Variants in STX8 observed in about 807,000 individuals in gnomAD.
The protein encoded by STX8 is syntaxin-8.
STX8 carries 23 observed loss-of-function variants against 37.5 expected under a neutral mutation model. The observed-to-expected ratio is 0.61, with a 90% CI of 0.44 to 0.87. The LOEUF (loss-of-function observed/expected upper bound fraction) is 0.87. Among genes scored for constraint, STX8 ranks in the 40% least tolerant of loss-of-function variants. The probability of loss-of-function intolerance (pLI) is 0.00; values close to 1 mark genes in which losing one functional copy is unlikely to be tolerated. For missense variants in STX8, 313 were observed against 284.7 expected (o/e 1.10, Z -0.71); for synonymous variants, 115 against 99.1 (o/e 1.16, Z -0.95).
chr17:9,567,376 C>T (rs183022136), intron 2 of STX8, among the ~76,000 whole-genome samples: 31 of 152,310 alleles, frequency 2.0e-4, no homozygotes, highest in African/African-American at 7.0e-4. Flanking sequence ...CTTAAAAAGA[C>T]TCAAATTTTG....
rs1273626885 is a variant in STX8 at position 9,450,608 on chromosome 17, C to T, written c.541+41221G>A. On this transcript the variant is annotated intron_variant, in intron 6 of 7. Coordinates refer to ENST00000306357, the MANE Select transcript of STX8 (RefSeq NM_004853.3). ...GCGCCTGACTTCCTCTAATTTTTAC[C>T]GATGTTCATAGGCACATTTTTATCT... is the stretch of plus-strand genomic sequence containing the variant. 3.3e-5 allele frequency among the ~76,000 whole-genome samples: 5 copies of T among 151,732 alleles called. 1 individual carries two copies. Among genetic ancestry groups the T allele is most frequent in the South Asian group, 2.1e-4 (1 of 4,812 alleles).
At chr17:9,397,304 G>A (rs1342988868) in intron 6 of STX8, among the ~76,000 whole-genome samples, 1 of 152,224 alleles carries the variant, frequency 6.6e-6, no homozygotes, top group Non-Finnish European at 1.5e-5. Flanking sequence ...GCTGAGGCAG[G>A]AGAATTGCTT....
rs952320965 is a variant in STX8 at position 9,515,648 on chromosome 17, G to A, written c.324-10486C>T. ...AGGGATCCTCCCACCTCAGCCTCCTGAGTAGCTGGGACTACAGGTGCGTGC... is the reference window on the plus strand; with the variant it reads ...AGGGATCCTCCCACCTCAGCCTCCTAAGTAGCTGGGACTACAGGTGCGTGC... On this transcript the variant is annotated intron_variant, in intron 4 of 7. Transcript: ENST00000306357. Among the ~76,000 whole-genome samples the A allele has an allele frequency of 6.6e-5, 10 of 152,092 alleles. No homozygotes were observed. The South Asian group carries it at 1.7e-3, about 25-fold the overall frequency.
chr17:9,465,556 T>A (rs918148684), intron 6 of STX8, among the ~76,000 whole-genome samples: 1 of 152,182 alleles, frequency 6.6e-6, no homozygotes, highest in African/African-American at 2.4e-5. Flanking sequence ...GAGAAATGTA[T>A]ACCCTGAGAT....
At chr17:9,290,698 G>A (rs1445340908) in intron 7 of STX8, among the ~76,000 whole-genome samples, 2 of 152,120 alleles carry the variant, frequency 1.3e-5, no homozygotes, top group Admixed American at 6.5e-5. Context: ...TTCATAAATA[G>A]TTCTCCATAT....
chr17:9,373,423 C>T (rs943226208), intron 7 of STX8, among the ~76,000 whole-genome samples: 5 of 152,160 alleles, frequency 3.3e-5, no homozygotes, highest in African/African-American at 1.2e-4. Context: ...AATTATTATT[C>T]AGCCTTACAA....
chr17:9,334,716 CTCATGGT>C (rs1246785251), intron 7 of STX8, among the ~76,000 whole-genome samples: 1 of 152,108 alleles, frequency 6.6e-6, no homozygotes, highest in African/African-American at 2.4e-5. Flanking sequence ...ATTTATTTGG[CTCATGGT>C]TCTGAAGGCT....
intron 3 of STX8, chr17:9,548,551 G>GT (rs2142576742): frequency 6.6e-6 from 1 of 152,268 alleles, no homozygotes; most frequent in East Asian, 1.9e-4. Flanking sequence ...AAGCAAGGAT[G>GT]TCCACTGAAC....
chr17:9,493,849 A>G (rs553837847), intron 5 of STX8, among the ~76,000 whole-genome samples: 123 of 152,316 alleles, frequency 8.1e-4, no homozygotes, highest in African/African-American at 2.9e-3. Flanking sequence ...TACTTATAAT[A>G]GTGAAAAATT....
chr17:9,418,845 G>A (rs1259286356), intron 6 of STX8, among the ~76,000 whole-genome samples: 3 of 146,584 alleles, frequency 2.0e-5, no homozygotes, highest in African/African-American at 7.4e-5. Context: ...AAAAAGGGGG[G>A]GGGGAAGGGG....
At chr17:9,428,890 G>T (rs9909211) in intron 6 of STX8, among the ~76,000 whole-genome samples, 60,830 of 151,924 alleles carry the variant, frequency 0.4, 13,374 homozygotes, top group Middle Eastern at 0.55. Flanking sequence ...GACAACACCG[G>T]TCTATTCAGA....
chr17:9,341,683 G>T (rs8069949), intron 7 of STX8, among the ~76,000 whole-genome samples: 1 of 151,670 alleles, frequency 6.6e-6, no homozygotes, highest in Admixed American at 6.6e-5. Flanking sequence ...GTAATCTGCC[G>T]GCTTCGGCCT....
chr17:9,480,442 C>T (rs1415695317), intron 6 of STX8, among the ~76,000 whole-genome samples: 1 of 152,174 alleles, frequency 6.6e-6, no homozygotes, highest in East Asian at 1.9e-4. Flanking sequence ...GTAAAATGTT[C>T]AAACAGATGT....
At chr17:9,291,859 C>CT (rs1908322646) in intron 7 of STX8, among the ~76,000 whole-genome samples, 1 of 152,154 alleles carries the variant, frequency 6.6e-6, no homozygotes, top group Non-Finnish European at 1.5e-5. Flanking sequence ...GTCTTTATTG[C>CT]TTGCTGTTTT....
chr17:9,375,063 CAAAAAAAA>C (rs58594029), intron 7 of STX8, among the ~76,000 whole-genome samples: 1 of 65,472 alleles, frequency 1.5e-5, no homozygotes, highest in Admixed American at 1.9e-4. Flanking sequence ...GACTCTGTCT[CAAAAAAAA>C]AAAAAAAAAA....
chr17:9,294,680 C>T (rs1908450031), intron 7 of STX8, among the ~76,000 whole-genome samples: 1 of 152,160 alleles, frequency 6.6e-6, no homozygotes, highest in African/African-American at 2.4e-5. Context: ...CAGGGAAACT[C>T]TAGTGTTGGT....
At chr17:9,512,240 C>T (rs910910599) in intron 4 of STX8, among the ~76,000 whole-genome samples, 6 of 152,166 alleles carry the variant, frequency 3.9e-5, no homozygotes, top group Non-Finnish European at 8.8e-5. Context: ...AGAAAAAAAT[C>T]TTAAAAATCT....
chr17:9,466,839 T>G (rs1424914668), intron 6 of STX8, among the ~76,000 whole-genome samples: 2 of 152,170 alleles, frequency 1.3e-5, no homozygotes, highest in Non-Finnish European at 2.9e-5. Flanking sequence ...ACAATAACAA[T>G]GCACACTTAC....
At chr17:9,533,072 C>A (rs1019098414) in intron 4 of STX8, among the ~76,000 whole-genome samples, 8 of 152,334 alleles carry the variant, frequency 5.3e-5, no homozygotes, top group Admixed American at 2.6e-4. Context: ...GAAGCTACTA[C>A]TTCTCAAAAT....
Sources: gnomAD v4.1 joint callset for allele counts (sites outside exome capture counted in the v4.1 genomes callset) on GRCh38, gnomAD v4.1.1 for gene constraint, MANE v1.5 for transcripts, NCBI Gene and HGNC (gene_info 2026-07-23, HGNC 2026-07-21) for gene names.